Variants in CHD9 observed in about 807,000 individuals in gnomAD.
CHD9 encodes chromodomain helicase DNA binding protein 9.
Under a neutral mutation model 316.1 loss-of-function variants are expected in CHD9, and 77 were observed. The ratio of observed to expected loss-of-function variants is 0.24; its 90% CI spans 0.20 to 0.29. The LOEUF is 0.29. Ranked by LOEUF, CHD9 falls within the 10% of genes least tolerant of loss-of-function variation. The probability of loss-of-function intolerance (pLI) is 1.00; values close to 1 mark genes in which losing one functional copy is unlikely to be tolerated. For missense variants in CHD9, 2,763 were observed against 3,438.1 expected, an observed-to-expected ratio of 0.80 and a Z score of 4.91; for synonymous variants, 1,129 against 1,158.3, an observed-to-expected ratio of 0.97 and a Z score of 0.51.
At chr16:53,211,433 T>C (rs2046324617) in intron 3 of CHD9, among the ~76,000 whole-genome samples, 1 of 152,156 alleles carries the variant, frequency 6.6e-6, no homozygotes, top group South Asian at 2.1e-4. Context: ...AAATTATTCA[T>C]AGTAAATTAT....
rs749213328 is a variant in CHD9 at position 53,304,145 on chromosome 16, G to C, written c.6139G>C (p.Val2047Leu). ...AGGTATTATTCTAGAGGAGATGAAAGTTAAAAGTGAAAACCTTAAAGAGGA... is the reference window on the plus strand; with the variant it reads ...AGGTATTATTCTAGAGGAGATGAAACTTAAAAGTGAAAACCTTAAAGAGGA... ...AKGIILEEMK[V>L]KSENLKEEPQ... The change falls in exon 31 of 39, where the codon GTT becomes CTT. Residue 2047 changes from valine (V) to leucine (L), a missense_variant. Coordinates refer to ENST00000447540, the MANE Select transcript of CHD9 (RefSeq NM_001308319.2). 11 of 1,613,104 alleles carry C rather than the reference G, an allele frequency of 6.8e-6. No homozygotes were observed. Among genetic ancestry groups the C allele is most frequent in the Non-Finnish European group, 8.5e-6 (10 of 1,179,666 alleles).
chr16:53,275,870 C>T (rs897925305), intron 24 of CHD9, among the ~76,000 whole-genome samples: 2 of 152,072 alleles, frequency 1.3e-5, no homozygotes, highest in African/African-American at 4.8e-5. Flanking sequence ...CCTGGTCTCT[C>T]ATTTCCTTGG....
chr16:53,296,616 T>C (rs2054824989), intron 29 of CHD9, among the ~76,000 whole-genome samples: 1 of 151,878 alleles, frequency 6.6e-6, no homozygotes, highest in Non-Finnish European at 1.5e-5. Flanking sequence ...AATTTTATTT[T>C]TGTATTTTTT....
Position 53,122,867 on chromosome 16 carries a change from C to T in CHD9, c.-164-33059C>T, listed in dbSNP as rs576308483. On this transcript the variant is annotated intron_variant, in intron 1 of 38. Transcript: ENST00000447540. ...GACTATAGGCGCCCGCTACCACGCCCGGCTAATTTTTTTTTTTTTTTTGTA... is the reference window on the plus strand; with the variant it reads ...GACTATAGGCGCCCGCTACCACGCCTGGCTAATTTTTTTTTTTTTTTTGTA... Among the ~76,000 whole-genome samples the T allele has an allele frequency of 1.4e-3, 203 of 149,588 alleles. 1 individual carries two copies. The highest frequency in any genetic ancestry group is 3.4e-3 in the Admixed American group (50 of 14,852).
intron 22 of CHD9, among the ~76,000 whole-genome samples, chr16:53,272,251 A>T (rs1194845049): frequency 6.6e-6 from 1 of 151,968 alleles, no homozygotes. Flanking sequence ...AATAAAAAAA[A>T]AGGGACACTA....
chr16:53,107,620 T>C lies in CHD9; in HGVS notation c.-164-48306T>C, dbSNP rs1394488343. On this transcript the variant is annotated intron_variant, in intron 1 of 38. Transcript: ENST00000447540. ...ATCATTTGAGCCCAGGAGGTGAAGC[T>C]GCAGTGAGCCATGATGGCACCACTG... Among the ~76,000 whole-genome samples the C allele has an allele frequency of 6.6e-5, 10 of 151,906 alleles. No individual in the cohort carries two copies. The East Asian group carries it at 1.9e-3, about 29-fold the overall frequency.
At chr16:53,172,102 A>G (rs950633833) in intron 2 of CHD9, among the ~76,000 whole-genome samples, 9 of 152,156 alleles carry the variant, frequency 5.9e-5, no homozygotes, top group Middle Eastern at 3.2e-3. Context: ...TGACATATGT[A>G]TATACCAGTG....
At chr16:53,289,732 G>T (rs1477067896) in intron 27 of CHD9, among the ~76,000 whole-genome samples, 1 of 152,184 alleles carries the variant, frequency 6.6e-6, no homozygotes, top group Non-Finnish European at 1.5e-5. Flanking sequence ...CTCAGATAAA[G>T]CTCCCAAGGA....
At chr16:53,089,012 T>C (rs2035707934) in intron 1 of CHD9, among the ~76,000 whole-genome samples, 1 of 152,114 alleles carries the variant, frequency 6.6e-6, no homozygotes, top group Admixed American at 6.5e-5. Context: ...CTCAGGAGTC[T>C]GTGGCAGAAG....
At chr16:53,323,133 T>G (rs1189512744) in intron 38 of CHD9, among the ~76,000 whole-genome samples, 1 of 152,200 alleles carries the variant, frequency 6.6e-6, no homozygotes, top group Non-Finnish European at 1.5e-5. Context: ...TAACATTAAG[T>G]GTAAAATACA....
rs529367544 is a variant in CHD9, at chr16:53,090,683, G to A, written c.-165+35606G>A. 1.5e-3 allele frequency among the ~76,000 whole-genome samples: 227 copies of A among 152,220 alleles called. 1 individual carries two copies. The highest frequency in any genetic ancestry group is 2.8e-3 in the Non-Finnish European group (193 of 68,008). On this transcript the variant is annotated intron_variant, in intron 1 of 38. Transcript: ENST00000447540. ...CAGAGTCCTGCCGGGCTTGTGTATC[G>A]CTCTTTCTCTCCAGCTGTAAAAATT...
intron 37 of CHD9, among the ~76,000 whole-genome samples, chr16:53,318,741 C>A (rs1322884128): frequency 6.6e-6 from 1 of 152,246 alleles, no homozygotes; most frequent in African/African-American, 2.4e-5. Context: ...GCCAGAGATG[C>A]TGCTAAACCT....
intron 2 of CHD9, among the ~76,000 whole-genome samples, chr16:53,199,782 C>G (rs1884504323): frequency 1.3e-5 from 2 of 152,122 alleles, no homozygotes; most frequent in South Asian, 4.1e-4. Flanking sequence ...ACTATTCTTA[C>G]CATAAAACTG....
At chr16:53,186,701 A>G (rs899261822) in intron 2 of CHD9, among the ~76,000 whole-genome samples, 6 of 152,152 alleles carry the variant, frequency 3.9e-5, no homozygotes, top group African/African-American at 1.4e-4. Context: ...AGGTGGAGAT[A>G]ATTGAATCAT....
At chr16:53,244,469 G>A (rs1303705731) in intron 13 of CHD9, among the ~76,000 whole-genome samples, 2 of 152,088 alleles carry the variant, frequency 1.3e-5, no homozygotes, top group Non-Finnish European at 2.9e-5. Context: ...GGGATTGCAG[G>A]CATGAGCCAC....
intron 24 of CHD9, among the ~76,000 whole-genome samples, chr16:53,277,847 C>G (rs900142798): frequency 6.6e-5 from 10 of 151,944 alleles, no homozygotes; most frequent in African/African-American, 2.4e-4. Flanking sequence ...TGATTGTATA[C>G]CTAGAAAACC....
At chr16:53,243,956 C>A (rs1376654131) in intron 13 of CHD9, among the ~76,000 whole-genome samples, 1 of 152,038 alleles carries the variant, frequency 6.6e-6, no homozygotes. Flanking sequence ...TGCCACACAC[C>A]CAGTTCAACA....
At chr16:53,211,013 G>A (rs186408658) in intron 3 of CHD9, among the ~76,000 whole-genome samples, 17 of 151,978 alleles carry the variant, frequency 1.1e-4, no homozygotes, top group Admixed American at 6.6e-4. Flanking sequence ...CCAAAGCTCT[G>A]CCCAGTTTTA....
At chr16:53,120,332 G>A (rs770939480) in intron 1 of CHD9, among the ~76,000 whole-genome samples, 1 of 152,158 alleles carries the variant, frequency 6.6e-6, no homozygotes, top group Non-Finnish European at 1.5e-5. Flanking sequence ...AGTTGATTGG[G>A]GCCAGGTGTG....
Sources: allele counts gnomAD v4.1 joint callset (sites outside exome capture counted in the v4.1 genomes callset), GRCh38; gene constraint gnomAD v4.1.1; transcripts MANE v1.5; gene names NCBI Gene and HGNC (gene_info 2026-07-23, HGNC 2026-07-21).